NBEA: variants seen among roughly 807,000 people sequenced by gnomAD.
NBEA encodes lysosomal-trafficking regulator 2.
In NBEA, 44 loss-of-function variants were observed where a neutral mutation model predicts 343.4. The observed-to-expected ratio is 0.13, with a 90% CI of 0.10 to 0.16. NBEA has a LOEUF of 0.16. Among genes scored for constraint, NBEA ranks in the 10% least tolerant of loss-of-function variants. The pLI, the probability that NBEA is intolerant of heterozygous loss-of-function variation, is 1.00. For missense variants in NBEA, 2,555 were observed against 3,631.3 expected (o/e 0.70, Z 7.62); for synonymous variants, 1,175 against 1,238.7 (o/e 0.95, Z 1.08).
At chr13:34,991,999 G>T (rs1253048969) in intron 1 of NBEA, among the ~76,000 whole-genome samples, 1 of 148,740 alleles carries the variant, frequency 6.7e-6, no homozygotes, top group Admixed American at 6.7e-5. Context: ...CTGATGAGAA[G>T]AAAGTAGTCA....
At chr13:35,015,538 A>G (rs1405709624) in intron 1 of NBEA, among the ~76,000 whole-genome samples, 2 of 152,022 alleles carry the variant, frequency 1.3e-5, no homozygotes, top group African/African-American at 4.8e-5. Context: ...GTTTTCTTTT[A>G]TGTGGACTAA....
rs143781080 is a variant in NBEA, at chr13:35,389,086, A to G, written c.6179+36763A>G. Among the ~76,000 whole-genome samples, 350 of 146,986 alleles carry G rather than the reference A, an allele frequency of 2.4e-3. 1 individual carries two copies. The highest frequency in any genetic ancestry group is 8.5e-3 in the African/African-American group (337 of 39,510). On this transcript the variant is annotated intron_variant, in intron 38 of 58. Transcript: ENST00000379939. Reference sequence around the variant, plus strand: ...TAACCCTGGTTCACAGTTTGCTCCCACTCTGACCACAGCTGGCCTCTTGCT... The same window carrying G: ...TAACCCTGGTTCACAGTTTGCTCCCGCTCTGACCACAGCTGGCCTCTTGCT...
At chr13:35,384,597 C>A (rs548292984) in intron 38 of NBEA, among the ~76,000 whole-genome samples, 1 of 145,376 alleles carries the variant, frequency 6.9e-6, no homozygotes, top group Non-Finnish European at 1.5e-5. Flanking sequence ...GCGATCTTGG[C>A]TCACTGCAAC....
intron 48 of NBEA, among the ~76,000 whole-genome samples, chr13:35,613,680 G>A (rs756887378): frequency 6.6e-6 from 1 of 152,080 alleles, no homozygotes; most frequent in African/African-American, 2.4e-5. Flanking sequence ...AAGTGCAGTG[G>A]TGCAATCAGT....
intron 36 of NBEA, among the ~76,000 whole-genome samples, chr13:35,319,149 G>T (rs2037959617): frequency 6.6e-6 from 1 of 151,956 alleles, no homozygotes; most frequent in Admixed American, 6.6e-5. Flanking sequence ...GCTAGCTTTT[G>T]AATTTGCTTT....
intron 46 of NBEA, among the ~76,000 whole-genome samples, chr13:35,584,609 C>T (rs1363499945): frequency 6.6e-6 from 1 of 151,670 alleles, no homozygotes; most frequent in Admixed American, 6.6e-5. Flanking sequence ...AAGTGATTCT[C>T]CTCCCTCAGC....
chr13:35,427,515 C>T (rs1242246264), intron 38 of NBEA, among the ~76,000 whole-genome samples: 7 of 151,948 alleles, frequency 4.6e-5, no homozygotes, highest in African/African-American at 1.2e-4. Flanking sequence ...GAGGAGTACC[C>T]GGCCGTGTGA....
At chr13:35,220,939 C>T (rs916896252) in intron 33 of NBEA, among the ~76,000 whole-genome samples, 1 of 152,072 alleles carries the variant, frequency 6.6e-6, no homozygotes, top group African/African-American at 2.4e-5. Flanking sequence ...TGAGTATTTT[C>T]TTTTAACCTA....
At chr13:35,467,671 T>A (rs1486191228) in intron 40 of NBEA, among the ~76,000 whole-genome samples, 3 of 152,216 alleles carry the variant, frequency 2.0e-5, no homozygotes, top group African/African-American at 7.2e-5. Context: ...TAGTTTTAGT[T>A]CTTCTAAATA....
chr13:35,058,000 A>G (rs577152172), intron 7 of NBEA, among the ~76,000 whole-genome samples: 70 of 152,222 alleles, frequency 4.6e-4, no homozygotes, highest in African/African-American at 1.7e-3. Flanking sequence ...GGTGTGAAAT[A>G]GCCTGTGGGG....
At chr13:35,162,039 T>C (rs1464618313) in intron 23 of NBEA, 72 bp downstream of exon 23, 12 of 1,292,086 alleles carry the variant, frequency 9.3e-6, no homozygotes, top group Middle Eastern at 2.7e-4. Context: ...TATTTGGTTT[T>C]GACAAAACCA....
chr13:35,426,006 C>G (rs2044644164), intron 38 of NBEA, among the ~76,000 whole-genome samples: 1 of 152,160 alleles, frequency 6.6e-6, no homozygotes, highest in South Asian at 2.1e-4. Context: ...CTTGGTAGAT[C>G]TTTCTCCATC....
chr13:35,496,631 CAAAA>C (rs3075499), intron 41 of NBEA, among the ~76,000 whole-genome samples: 34 of 105,222 alleles, frequency 3.2e-4, no homozygotes, highest in Admixed American at 6.4e-4. Context: ...GAGATTCTGT[CAAAA>C]AAAAAAAAAA....
At chr13:35,405,274 T>C (rs1357073602) in intron 38 of NBEA, among the ~76,000 whole-genome samples, 2 of 152,116 alleles carry the variant, frequency 1.3e-5, no homozygotes, top group Non-Finnish European at 2.9e-5. Flanking sequence ...GTTACATCCA[T>C]ATGAATGAGA....
At chr13:35,158,022 A>G (rs1193962529) in intron 21 of NBEA, among the ~76,000 whole-genome samples, 1 of 152,152 alleles carries the variant, frequency 6.6e-6, no homozygotes, top group African/African-American at 2.4e-5. Flanking sequence ...CCTCTGATGC[A>G]GCTACTCAAC....
chr13:35,208,653 A>G (rs753592300), intron 31 of NBEA, 47 bp from the exon 32 acceptor site: 2 of 1,473,544 alleles, frequency 1.4e-6, no homozygotes, highest in East Asian at 4.7e-5. Flanking sequence ...ATTATAATTC[A>G]TCTTCAACCT....
At chr13:35,556,910 T>G (rs1248075251) in intron 44 of NBEA, among the ~76,000 whole-genome samples, 1 of 152,186 alleles carries the variant, frequency 6.6e-6, no homozygotes, top group Non-Finnish European at 1.5e-5. Context: ...ACCTGATTTT[T>G]CGGGATGATA....
In NBEA at chr13:35,050,329, C is replaced by T; in HGVS notation, c.906C>T (p.Val302=). ...SAHFVGNCLI[V]TSLKSKGKGF... The stretch of plus-strand genomic sequence containing the variant: ...ATTTTGTTGGCAACTGTTTAATAGT[C>T]ACATCATTGAAGTCCAAAGGAAAAG... The change falls in exon 6 of 59, where the codon GTC becomes GTT. Residue 302 remains valine (V), a synonymous_variant. Transcript: ENST00000379939. 1 of 1,609,056 alleles carries T rather than the reference C, an allele frequency of 6.2e-7. No individual in the cohort carries two copies. The highest frequency in any genetic ancestry group is 1.1e-5 in the South Asian group (1 of 90,890).
At position 35,106,766 on chromosome 13, in the gene NBEA, C is replaced by T. The variant is rs561545761; in HGVS notation, c.1681-2524C>T. ...GGTATGCGAAAACAATGGCCCCCTC[C>T]GCCTTTTTTTTTTAAAGTAATGTAG... On this transcript the variant is annotated intron_variant, in intron 11 of 58. Transcript: ENST00000379939. Among the ~76,000 whole-genome samples the T allele has an allele frequency of 1.2e-3, 176 of 151,576 alleles. 3 individuals carry two copies. Among genetic ancestry groups the T allele is most frequent in the Middle Eastern group, 3.4e-3 (1 of 294 alleles).
Sources: gnomAD v4.1 joint callset for allele counts (sites outside exome capture counted in the v4.1 genomes callset) on GRCh38, gnomAD v4.1.1 for gene constraint, MANE v1.5 for transcripts, NCBI Gene and HGNC (gene_info 2026-07-23, HGNC 2026-07-21) for gene names.